VXN: variants seen among roughly 807,000 people sequenced by gnomAD.
VXN encodes uncharacterized protein C8orf46.
VXN carries 7 observed loss-of-function variants against 23.1 expected under a neutral mutation model. The ratio of observed to expected loss-of-function variants is 0.30; its 90% CI spans 0.17 to 0.57. VXN has a LOEUF of 0.57. Ranked by LOEUF, VXN falls within the 20% of genes least tolerant of loss-of-function variation. The probability of loss-of-function intolerance (pLI) is 0.91; values close to 1 mark genes in which losing one functional copy is unlikely to be tolerated. For synonymous variants in VXN, 120 were observed against 105.8 expected (o/e 1.13, Z -0.83); for missense variants, 238 against 272.6 (o/e 0.87, Z 0.89).
At chr8:66,494,249 C>A (rs1219895311) in intron 1 of VXN, among the ~76,000 whole-genome samples, 1 of 152,172 alleles carries the variant, frequency 6.6e-6, no homozygotes, top group Non-Finnish European at 1.5e-5. Context: ...AAACTTAACC[C>A]GGAACTAATG....
At position 66,505,512 on chromosome 8, in the gene VXN, AG is replaced by A; in HGVS notation, c.265del (p.Ala89ProfsTer26). The A allele has an allele frequency of 6.5e-7, 1 of 1,532,706 alleles. No homozygotes were observed. Among genetic ancestry groups the A allele is most frequent in the Non-Finnish European group, 8.7e-7 (1 of 1,143,832 alleles). 94.9% of individuals were successfully genotyped at this position (1,532,706 alleles called of 1,614,324 possible). A position where few individuals can be genotyped will look rare whatever the true frequency, so the allele number is the denominator to read the frequency against. On this transcript the variant is annotated frameshift_variant, in exon 3 of 6. Coordinates refer to ENST00000305454, the MANE Select transcript of VXN (RefSeq NM_152765.4). LOFTEE classifies it high-confidence loss of function. The part of the protein sequence containing the change: ...ARPPTAHPAK[A>X]SARPVGISEP... The stretch of plus-strand genomic sequence containing the variant: ...GGCCGCCCACAGCCCACCCGGCCAA[AG>A]CCTCTGCCAGACCCGGTACGTGAGT...
At chr8:66,504,390 G>A (rs1188427771) in intron 2 of VXN, among the ~76,000 whole-genome samples, 1 of 151,754 alleles carries the variant, frequency 6.6e-6, no homozygotes, top group African/African-American at 2.4e-5. Flanking sequence ...GTGATGAAAG[G>A]GCTGCCCACC....
At chr8:66,515,794 G>A in intron 5 of VXN, 99 bp from the exon 6 acceptor site, 2 of 1,025,332 alleles carry the variant, frequency 2.0e-6, no homozygotes, top group Non-Finnish European at 1.4e-6. Flanking sequence ...CTGAGGAGGA[G>A]CAGAGGAGAG....
intron 4 of VXN, among the ~76,000 whole-genome samples, chr8:66,513,209 C>T (rs967047621): frequency 6.6e-6 from 1 of 152,156 alleles, no homozygotes. Context: ...GACTGAGCTG[C>T]GCGGTCTCCA....
intron 3 of VXN, among the ~76,000 whole-genome samples, chr8:66,508,046 G>T (rs565978767): frequency 6.6e-6 from 1 of 152,252 alleles, no homozygotes; most frequent in East Asian, 1.9e-4. Context: ...CTGGGCCTGG[G>T]AGAATTGGCT....
chr8:66,505,216 G>A (rs779098677), intron 2 of VXN, 159 bp from the exon 3 acceptor site: 7 of 1,010,550 alleles, frequency 6.9e-6, no homozygotes, highest in Middle Eastern at 2.0e-4. Flanking sequence ...CCGGTTTCCT[G>A]CCCAGATTTT....
At chr8:66,494,584 A>G (rs1368419054) in intron 1 of VXN, 1 of 152,250 alleles carries the variant, frequency 6.6e-6, no homozygotes, top group Non-Finnish European at 1.5e-5. Flanking sequence ...TCAGCCGCTG[A>G]CAGGGCCATT....
rs1454008706 is a variant in VXN, at chr8:66,518,489, G to A, written c.*2413G>A. 1.3e-5 allele frequency: 2 copies of A among 152,178 alleles called. No individual in the cohort carries two copies. Among genetic ancestry groups the A allele is most frequent in the Non-Finnish European group, 2.9e-5 (2 of 68,032 alleles). 9.4% of individuals were successfully genotyped at this position (152,178 alleles called of 1,614,324 possible). A position where few individuals can be genotyped will look rare whatever the true frequency, so the allele number is the denominator to read the frequency against. ...CTTGGCCAATTCAAATAAAAATAAAGTCAGCTTTGTTTGTGACATTCATGC... is the reference window on the plus strand; with the variant it reads ...CTTGGCCAATTCAAATAAAAATAAAATCAGCTTTGTTTGTGACATTCATGC... On this transcript the variant is annotated 3_prime_UTR_variant, in exon 6 of 6. Transcript: ENST00000305454.
rs569423682 is a variant in VXN at position 66,516,168 on chromosome 8, G to A, written c.*92G>A. On this transcript the variant is annotated 3_prime_UTR_variant, in exon 6 of 6. Transcript: ENST00000305454. ...TTGAAACTGAGCCACACGCACCTCT[G>A]CTAGTAGCTGGTCCAAACCCATTAT... 14 of 1,193,996 alleles carry A rather than the reference G, an allele frequency of 1.2e-5. No individual in the cohort carries two copies. In the East Asian group the frequency reaches 3.5e-4, roughly 30 times the overall value. The allele number at this position is 1,193,996 out of a possible 1,614,324, so 74.0% of individuals were successfully genotyped here. A position where few individuals can be genotyped will look rare whatever the true frequency, so the allele number is the denominator to read the frequency against.
intron 2 of VXN, 34 bp downstream of exon 2, chr8:66,496,526 G>T: frequency 6.2e-7 from 1 of 1,600,372 alleles, no homozygotes. Context: ...TTCTTTGGTT[G>T]ACTTTCATTT....
intron 2 of VXN, among the ~76,000 whole-genome samples, chr8:66,497,142 CA>C (rs1424455294): frequency 6.6e-6 from 1 of 152,138 alleles, no homozygotes; most frequent in African/African-American, 2.4e-5. Flanking sequence ...CTTGGCCTTC[CA>C]AAGTGCTGGG....
chr8:66,516,173 T>C lies in VXN; in HGVS notation c.*97T>C, dbSNP rs1807893414. On this transcript the variant is annotated 3_prime_UTR_variant, in exon 6 of 6. Transcript: ENST00000305454. ...ACTGAGCCACACGCACCTCTGCTAG[T>C]AGCTGGTCCAAACCCATTATCCTCC... 1 of 1,148,470 alleles carries C rather than the reference T, an allele frequency of 8.7e-7. No homozygotes were observed. Among genetic ancestry groups the C allele is most frequent in the African/African-American group, 1.6e-5 (1 of 63,402 alleles). The allele number at this position is 1,148,470 out of a possible 1,614,324, so 71.1% of individuals were successfully genotyped here. A position where few individuals can be genotyped will look rare whatever the true frequency, so the allele number is the denominator to read the frequency against.
In VXN at chr8:66,516,130, A is replaced by G; in HGVS notation, c.*54A>G. 1 of 1,491,008 alleles carries G rather than the reference A, an allele frequency of 6.7e-7. No individual in the cohort carries two copies. The highest frequency in any genetic ancestry group is 8.9e-7 in the Non-Finnish European group (1 of 1,120,508). The allele number at this position is 1,491,008 out of a possible 1,614,324, so 92.4% of individuals were successfully genotyped here. A position where few individuals can be genotyped will look rare whatever the true frequency, so the allele number is the denominator to read the frequency against. On this transcript the variant is annotated 3_prime_UTR_variant, in exon 6 of 6. Transcript: ENST00000305454. ...GGCCAAGGTTCCCCGGACAAGAGGA[A>G]AAACCTTCAGGATTGAAACTGAGCC... is the stretch of plus-strand genomic sequence containing the variant.
chr8:66,498,519 T>G (rs546912354), intron 2 of VXN, among the ~76,000 whole-genome samples: 4 of 152,230 alleles, frequency 2.6e-5, no homozygotes, highest in Non-Finnish European at 5.9e-5. Flanking sequence ...CCCCCTTATC[T>G]GCAGGAAATA....
chr8:66,505,218 C>A (rs1308063229), intron 2 of VXN, 157 bp from the exon 3 acceptor site: 1 of 1,033,742 alleles, frequency 9.7e-7, no homozygotes, highest in East Asian at 2.6e-5. Flanking sequence ...GGTTTCCTGC[C>A]CAGATTTTGT....
chr8:66,507,095 A>G (rs1197271762), intron 3 of VXN, among the ~76,000 whole-genome samples: 4 of 152,210 alleles, frequency 2.6e-5, no homozygotes, highest in East Asian at 3.8e-4. Flanking sequence ...GTAGGCCCCA[A>G]GATTTTATGT....
intron 2 of VXN, among the ~76,000 whole-genome samples, chr8:66,505,010 A>C (rs1014208061): frequency 6.6e-6 from 1 of 152,222 alleles, no homozygotes; most frequent in Non-Finnish European, 1.5e-5. Flanking sequence ...GTCCTGTTTC[A>C]TTGCCTGTCC....
intron 2 of VXN, among the ~76,000 whole-genome samples, chr8:66,504,055 T>C (rs1270277375): frequency 6.6e-6 from 1 of 152,132 alleles, no homozygotes; most frequent in African/African-American, 2.4e-5. Context: ...CTGGCCTCCT[T>C]GCCACCCCCA....
At chr8:66,500,867 GA>G (rs1807683301) in intron 2 of VXN, among the ~76,000 whole-genome samples, 1 of 140,478 alleles carries the variant, frequency 7.1e-6, no homozygotes, top group Admixed American at 7.1e-5. Flanking sequence ...CAAAGGACAT[GA>G]TTTTTTTTTT....
Sources: gnomAD v4.1 joint callset for allele counts (sites outside exome capture counted in the v4.1 genomes callset) on GRCh38, gnomAD v4.1.1 for gene constraint, MANE v1.5 for transcripts, NCBI Gene and HGNC (gene_info 2026-07-23, HGNC 2026-07-21) for gene names.